The following CDC20B variants were observed in gnomAD, a reference collection of about 807,000 sequenced individuals.
The protein encoded by CDC20B is cell division cycle 20B, also known as cell division cycle protein 20 homolog B.
In CDC20B, 58 loss-of-function variants were observed where a neutral mutation model predicts 64.1. That is an observed-to-expected ratio of 0.90 (90% CI 0.73 to 1.13). The LOEUF (loss-of-function observed/expected upper bound fraction) is 1.13. Among genes scored for constraint, CDC20B ranks in the 50% most tolerant of loss-of-function variants. The pLI is 0.00. For missense variants in CDC20B, 597 were observed against 633.0 expected, an observed-to-expected ratio of 0.94 and a Z score of 0.61; for synonymous variants, 243 against 230.6, an observed-to-expected ratio of 1.05 and a Z score of -0.49.
intron 5 of CDC20B, among the ~76,000 whole-genome samples, chr5:55,134,010 A>T (rs1234970384): frequency 6.6e-6 from 1 of 152,176 alleles, no homozygotes; most frequent in Non-Finnish European, 1.5e-5. Context: ...AGACTCCAAT[A>T]CTGGAGTATT....
At chr5:55,153,467 A>C (rs776365940) in intron 2 of CDC20B, among the ~76,000 whole-genome samples, 23 of 152,130 alleles carry the variant, frequency 1.5e-4, no homozygotes, top group Non-Finnish European at 2.2e-4. Context: ...AAATAAGAAA[A>C]ATACATGCCC....
chr5:55,172,409 T>G lies in CDC20B; in HGVS notation c.126+179A>C. 5 of 572,210 alleles carry G rather than the reference T, an allele frequency of 8.7e-6. No individual in the cohort carries two copies. In the South Asian group the frequency reaches 1.1e-4, roughly 12 times the overall value. 35.4% of individuals were successfully genotyped at this position (572,210 alleles called of 1,614,324 possible). ...AAAGTACGATTCAGATGCAAACGATTGCATTATTTGTCTGGGATCTTCAGT... is the reference window on the plus strand; with the variant it reads ...AAAGTACGATTCAGATGCAAACGATGGCATTATTTGTCTGGGATCTTCAGT... On this transcript the variant is annotated intron_variant, in intron 2 of 11. Coordinates refer to ENST00000381375, the MANE Select transcript of CDC20B (RefSeq NM_001170402.1).
At chr5:55,146,977 G>T in intron 2 of CDC20B, 121 bp from the exon 3 acceptor site, 1 of 438,778 alleles carries the variant, frequency 2.3e-6, no homozygotes, top group East Asian at 3.7e-5. Context: ...TATATAATGA[G>T]ATTTTTTTAA....
At chr5:55,161,054 C>T (rs1406647027) in intron 2 of CDC20B, 1 of 1,614,006 alleles carries the variant, frequency 6.2e-7, no homozygotes, top group Non-Finnish European at 8.5e-7. Context: ...TTACTTAGGG[C>T]TGAAGGAACT....
intron 8 of CDC20B, 149 bp downstream of exon 8, chr5:55,127,108 G>C: frequency 1.5e-6 from 1 of 646,730 alleles, no homozygotes; most frequent in Non-Finnish European, 2.7e-6. Flanking sequence ...GAATACCTGA[G>C]AGGGTGGGAT....
At position 55,146,697 on chromosome 5, in the gene CDC20B, TTGAC is replaced by T. The variant is rs776703772; in HGVS notation, c.282_285del (p.Ser95ProfsTer12). 2.7e-5 allele frequency: 43 copies of T among 1,614,186 alleles called. 3 individuals are homozygous for T. In the Middle Eastern group the frequency reaches 5.4e-3, roughly 204 times the overall value. ...CCGGAAGCTTCTGGGAGGTAGGTGGTTGACTGCTCTTCCCCAAAGGAATCAGAGG... is the reference window on the plus strand; with the variant it reads ...CCGGAAGCTTCTGGGAGGTAGGTGGTTGCTCTTCCCCAAAGGAATCAGAGG... On this transcript the variant is annotated frameshift_variant, in exon 3 of 12. Transcript: ENST00000381375. LOFTEE classifies it high-confidence loss of function.
chr5:55,135,465 T>C (rs778296679), intron 5 of CDC20B, among the ~76,000 whole-genome samples: 1 of 152,136 alleles, frequency 6.6e-6, no homozygotes, highest in Non-Finnish European at 1.5e-5. Context: ...TAAGAAAATA[T>C]CATTCTAAGG....
chr5:55,164,396 G>A, intron 2 of CDC20B: 1 of 394,446 alleles, frequency 2.5e-6, no homozygotes. Flanking sequence ...ATGTGGCAAT[G>A]AAGGATTTTT....
At chr5:55,143,492 A>C (rs1191510957) in intron 4 of CDC20B, 21 bp downstream of exon 4, 6 of 1,565,250 alleles carry the variant, frequency 3.8e-6, no homozygotes, top group African/African-American at 2.8e-5. Context: ...TGGGATCTTC[A>C]GTTTTTTTCT....
chr5:55,130,420 T>C (rs336106), intron 6 of CDC20B, among the ~76,000 whole-genome samples: 73,368 of 151,938 alleles, frequency 0.48, 18,584 homozygotes, highest in Non-Finnish European at 0.58. Flanking sequence ...GTAAGTAGAG[T>C]CAGGTCTTAG....
chr5:55,170,800 G>A (rs1744573593), intron 2 of CDC20B: 1 of 470,508 alleles, frequency 2.1e-6, no homozygotes, highest in South Asian at 1.5e-5. Context: ...ATGAAACATA[G>A]TGGCAGAACT....
chr5:55,120,433 T>C lies in CDC20B; in HGVS notation c.1333A>G (p.Asn445Asp), dbSNP rs775439560. The stretch of plus-strand genomic sequence containing the variant: ...CCAGAGGAGATATTAACCTGTGAGT[T>C]TGTGCTTGGGGTCTGGATGCTCTTC... The part of the protein sequence containing the change: ...AGKSIQTPST[N>D]SQICSLIWLP... Residue 445 changes from asparagine (N) to aspartate (D), a missense_variant, in exon 10 of 12, where the codon AAC becomes GAC. Coordinates refer to ENST00000381375, the MANE Select transcript of CDC20B (RefSeq NM_001170402.1). The C allele has an allele frequency of 2.5e-6, 4 of 1,613,732 alleles. No homozygotes were observed. The highest frequency in any genetic ancestry group is 3.4e-6 in the Non-Finnish European group (4 of 1,179,738).
At chr5:55,146,328 G>A (rs1387875909) in intron 3 of CDC20B, among the ~76,000 whole-genome samples, 1 of 152,108 alleles carries the variant, frequency 6.6e-6, no homozygotes, top group Non-Finnish European at 1.5e-5. Flanking sequence ...AATGCTGCCC[G>A]CCCCCACATG....
rs548117731 is a variant in CDC20B at position 55,152,680 on chromosome 5, A to G, written c.127-5824T>C. ...CCACAGTTTGAACTCTGACAAATCAATCTAGTCTAATCCCTATGCTAAAAA... is the reference window on the plus strand; with the variant it reads ...CCACAGTTTGAACTCTGACAAATCAGTCTAGTCTAATCCCTATGCTAAAAA... On this transcript the variant is annotated intron_variant, in intron 2 of 11. Coordinates refer to ENST00000381375, the MANE Select transcript of CDC20B (RefSeq NM_001170402.1). 2.0e-5 allele frequency among the ~76,000 whole-genome samples: 3 copies of G among 152,304 alleles called. No individual in the cohort carries two copies. The South Asian group carries it at 6.2e-4, about 32-fold the overall frequency.
At chr5:55,145,552 CAGAA>C (rs1743445318) in intron 3 of CDC20B, among the ~76,000 whole-genome samples, 1 of 152,180 alleles carries the variant, frequency 6.6e-6, no homozygotes, top group Admixed American at 6.5e-5. Flanking sequence ...TTACATATTT[CAGAA>C]AGAGAGTTTG....
chr5:55,133,098 T>C (rs1386388126), intron 6 of CDC20B, among the ~76,000 whole-genome samples: 3 of 152,202 alleles, frequency 2.0e-5, no homozygotes, highest in African/African-American at 7.2e-5. Context: ...GTAGACCCAA[T>C]GCAGTTGTTT....
intron 2 of CDC20B, chr5:55,160,333 T>G: frequency 6.2e-7 from 1 of 1,613,888 alleles, no homozygotes. Flanking sequence ...TCAACAGCTT[T>G]TATGCCTTTG....
rs1410749325 is a variant in CDC20B, at chr5:55,171,068, C to A, written c.126+1520G>T. Among the ~76,000 whole-genome samples, 6 of 152,240 alleles carry A rather than the reference C, an allele frequency of 3.9e-5. No individual in the cohort carries two copies. In the East Asian group the frequency reaches 9.6e-4, roughly 24 times the overall value. ...GTGGCTTATGCCTGTAATGCCAGCACTTTGGGAGGCCAAGGTTGGCTGATC... is the reference window on the plus strand; with the variant it reads ...GTGGCTTATGCCTGTAATGCCAGCAATTTGGGAGGCCAAGGTTGGCTGATC... On this transcript the variant is annotated intron_variant, in intron 2 of 11. Coordinates refer to ENST00000381375, the MANE Select transcript of CDC20B (RefSeq NM_001170402.1).
At chr5:55,154,393 C>T (rs1049930244) in intron 2 of CDC20B, among the ~76,000 whole-genome samples, 8 of 152,056 alleles carry the variant, frequency 5.3e-5, no homozygotes, top group African/African-American at 1.9e-4. Flanking sequence ...TGGCACGCAC[C>T]TGTGGCCCAG....
Sources: allele counts gnomAD v4.1 joint callset (sites outside exome capture counted in the v4.1 genomes callset), GRCh38; gene constraint gnomAD v4.1.1; transcripts MANE v1.5; gene names NCBI Gene and HGNC (gene_info 2026-07-23, HGNC 2026-07-21).